UBE2G1: variants seen among roughly 807,000 people sequenced by gnomAD.
UBE2G1 encodes ubiquitin conjugating enzyme E2 G1.
In UBE2G1, 5 loss-of-function variants were observed where a neutral mutation model predicts 22.7. The ratio of observed to expected loss-of-function variants is 0.22; its 90% CI spans 0.12 to 0.46. UBE2G1 has a LOEUF of 0.46. UBE2G1 is among the 20% of genes least tolerant of loss of function. UBE2G1 has a pLI of 0.99. For missense variants in UBE2G1, 88 were observed against 203.9 expected, an observed-to-expected ratio of 0.43 and a Z score of 3.46; for synonymous variants, 74 against 67.5, an observed-to-expected ratio of 1.10 and a Z score of -0.47.
At chr17:4,359,874 A>C (rs1022355198) in intron 1 of UBE2G1, among the ~76,000 whole-genome samples, 8 of 84,718 alleles carry the variant, frequency 9.4e-5, no homozygotes, top group Non-Finnish European at 1.2e-4. Flanking sequence ...AAAACAAACA[A>C]AAAAAAACTG....
chr17:4,333,295 G>C (rs1969603074), intron 1 of UBE2G1, among the ~76,000 whole-genome samples: 1 of 152,164 alleles, frequency 6.6e-6, no homozygotes, highest in African/African-American at 2.4e-5. Flanking sequence ...GTAATGTAAA[G>C]AATGTGTGTA....
chr17:4,353,382 T>C (rs976089478), intron 1 of UBE2G1, among the ~76,000 whole-genome samples: 14 of 151,970 alleles, frequency 9.2e-5, no homozygotes, highest in South Asian at 4.1e-4. Flanking sequence ...AGTAGCTATA[T>C]TGTATTACCA....
At chr17:4,324,556 T>C (rs934554986) in intron 1 of UBE2G1, among the ~76,000 whole-genome samples, 4 of 152,126 alleles carry the variant, frequency 2.6e-5, no homozygotes, top group African/African-American at 9.7e-5. Flanking sequence ...GCAGGAAATC[T>C]AGGGGATGTG....
rs1968745886 is a variant in UBE2G1, at chr17:4,270,653, A to AT, written c.*1900_*1901insA. 6.6e-6 allele frequency: 1 copy of AT among 151,736 alleles called. No individual in the cohort carries two copies. The highest frequency in any genetic ancestry group is 6.6e-5 in the Admixed American group (1 of 15,230). The allele number at this position is 151,736 out of a possible 1,614,324, so 9.4% of individuals were successfully genotyped here. On this transcript the variant is annotated 3_prime_UTR_variant, in exon 6 of 6. Transcript: ENST00000396981. ...TATTTTTACAGTCTTTGGAAAAGGA[A>AT]AAAAAAAACCAAGTCACAAAGTTCT... is the stretch of plus-strand genomic sequence containing the variant.
rs1408211033 is a variant in UBE2G1, at chr17:4,315,941, G to A, written c.47-8818C>T. On this transcript the variant is annotated intron_variant, in intron 1 of 5. Transcript: ENST00000396981. Reference sequence around the variant, plus strand: ...CCTGCCTCAGCCTCTCCGAGTAGCTGGGACTACAGGCGCCCACCACCACGC... The same window carrying A: ...CCTGCCTCAGCCTCTCCGAGTAGCTAGGACTACAGGCGCCCACCACCACGC... Among the ~76,000 whole-genome samples, 5 of 149,462 alleles carry A rather than the reference G, an allele frequency of 3.3e-5. No homozygotes were observed. The East Asian group carries it at 8.2e-4, about 25-fold the overall frequency.
At chr17:4,356,795 T>C (rs1328267102) in intron 1 of UBE2G1, among the ~76,000 whole-genome samples, 1 of 152,234 alleles carries the variant, frequency 6.6e-6, no homozygotes, top group Admixed American at 6.5e-5. Context: ...AACATGTTAA[T>C]AGAGCAACCA....
intron 1 of UBE2G1, among the ~76,000 whole-genome samples, chr17:4,342,697 A>C (rs1969725041): frequency 6.6e-6 from 1 of 152,220 alleles, no homozygotes; most frequent in African/African-American, 2.4e-5. Flanking sequence ...AGCTAGCATC[A>C]TGTCTCATCT....
At chr17:4,336,095 C>T (rs1256068070) in intron 1 of UBE2G1, among the ~76,000 whole-genome samples, 1 of 151,764 alleles carries the variant, frequency 6.6e-6, no homozygotes, top group African/African-American at 2.4e-5. Context: ...GCAGTGAGCC[C>T]GAGATCATGC....
chr17:4,315,403 C>G (rs1252757891), intron 1 of UBE2G1, among the ~76,000 whole-genome samples: 1 of 152,078 alleles, frequency 6.6e-6, no homozygotes, highest in Non-Finnish European at 1.5e-5. Flanking sequence ...AATAACATTC[C>G]AAGACCCAAC....
intron 1 of UBE2G1, among the ~76,000 whole-genome samples, chr17:4,325,046 C>T (rs566650461): frequency 1.3e-5 from 2 of 152,034 alleles, no homozygotes; most frequent in African/African-American, 2.4e-5. Context: ...CACTGCACTC[C>T]AGCCTGGGGG....
chr17:4,334,697 G>A (rs999894187), intron 1 of UBE2G1, among the ~76,000 whole-genome samples: 4 of 151,960 alleles, frequency 2.6e-5, no homozygotes, highest in African/African-American at 7.3e-5. Context: ...CCACCAACAC[G>A]CCGGGCTAAT....
At chr17:4,298,975 G>C (rs868018851) in intron 2 of UBE2G1, among the ~76,000 whole-genome samples, 16 of 152,160 alleles carry the variant, frequency 1.1e-4, no homozygotes, top group African/African-American at 2.9e-4. Context: ...TTTATCTACT[G>C]ATCCTGTTGC....
chr17:4,274,220 C>A (rs1968794559), intron 5 of UBE2G1, among the ~76,000 whole-genome samples: 4 of 109,006 alleles, frequency 3.7e-5, no homozygotes, highest in Admixed American at 2.3e-4. Context: ...TTTTTTGAGA[C>A]AGAGTCTTGC....
rs1199631959 is a variant in UBE2G1, at chr17:4,337,340, A to AAAAG, written c.46+28927_46+28930dup. Reference sequence around the variant, plus strand: ...TGTGTAAAAAAAAAAAAAAGAAAAGAAAAGAAAGAAAGAAAGAAAAGGAAA... The same window carrying AAAAG: ...TGTGTAAAAAAAAAAAAAAGAAAAGAAAAGAAAGAAAGAAAGAAAGAAAAGGAAA... On this transcript the variant is annotated intron_variant, in intron 1 of 5. Coordinates refer to ENST00000396981, the MANE Select transcript of UBE2G1 (RefSeq NM_003342.5). 9.3e-4 allele frequency among the ~76,000 whole-genome samples: 140 copies of AAAAG among 150,570 alleles called. 1 individual carries two copies. The highest frequency in any genetic ancestry group is 2.7e-3 in the African/African-American group (112 of 41,012).
rs1970033368 is a variant in UBE2G1 at position 4,366,216 on chromosome 17, C to A, written c.46+55G>T. On this transcript the variant is annotated intron_variant, in intron 1 of 5. Coordinates refer to ENST00000396981, the MANE Select transcript of UBE2G1 (RefSeq NM_003342.5). ...GCCCGGGAGGAGAAGAGGGACTGGGCTGCGGCTGTCCGCGATCGCGGCCGG... is the reference window on the plus strand; with the variant it reads ...GCCCGGGAGGAGAAGAGGGACTGGGATGCGGCTGTCCGCGATCGCGGCCGG... The A allele has an allele frequency of 2.7e-6, 4 of 1,492,258 alleles. No homozygotes were observed. In the South Asian group the frequency reaches 3.7e-5, roughly 14 times the overall value. The allele number at this position is 1,492,258 out of a possible 1,614,324, so 92.4% of individuals were successfully genotyped here.
chr17:4,291,358 CAAAAAA>C (rs377584623), intron 3 of UBE2G1, among the ~76,000 whole-genome samples: 3 of 118,030 alleles, frequency 2.5e-5, no homozygotes, highest in South Asian at 2.9e-4. Flanking sequence ...AACTCCATCT[CAAAAAA>C]AAAAAAAAAA....
At chr17:4,346,703 T>C (rs548677550) in intron 1 of UBE2G1, among the ~76,000 whole-genome samples, 3 of 151,276 alleles carry the variant, frequency 2.0e-5, no homozygotes, top group Non-Finnish European at 4.4e-5. Context: ...CAAAGTGCTG[T>C]GATTACAGGT....
At chr17:4,350,237 G>C (rs995297888) in intron 1 of UBE2G1, among the ~76,000 whole-genome samples, 2 of 152,098 alleles carry the variant, frequency 1.3e-5, no homozygotes, top group African/African-American at 4.8e-5. Flanking sequence ...GAGAAGGGTG[G>C]ATCACCTGAG....
At position 4,296,660 on chromosome 17, in the gene UBE2G1, A is replaced by G. The variant is rs1402185338; in HGVS notation, c.247+57T>C. 7 of 1,492,682 alleles carry G rather than the reference A, an allele frequency of 4.7e-6. No homozygotes were observed. In the Admixed American group the frequency reaches 1.2e-4, roughly 25 times the overall value. The allele number at this position is 1,492,682 out of a possible 1,614,324, so 92.5% of individuals were successfully genotyped here. A position where few individuals can be genotyped will look rare whatever the true frequency, so the allele number is the denominator to read the frequency against. ...CAGATCTTTCTTATTGACCTTGAAC[A>G]CTTCAATAACAGGCCATCAAATCTG... is the stretch of plus-strand genomic sequence containing the variant. On this transcript the variant is annotated intron_variant, in intron 3 of 5. Coordinates refer to ENST00000396981, the MANE Select transcript of UBE2G1 (RefSeq NM_003342.5).
Sources: allele counts gnomAD v4.1 joint callset (sites outside exome capture counted in the v4.1 genomes callset), GRCh38; gene constraint gnomAD v4.1.1; transcripts MANE v1.5; gene names NCBI Gene and HGNC (gene_info 2026-07-23, HGNC 2026-07-21).